Variants in PLCL1 observed in about 807,000 individuals in gnomAD.
PLCL1 encodes phospholipase C like 1 (inactive).
PLCL1 carries 41 observed loss-of-function variants against 84.4 expected under a neutral mutation model. That is an observed-to-expected ratio of 0.49 (90% CI 0.38 to 0.63). The LOEUF is 0.63. PLCL1 is among the 30% of genes least tolerant of loss of function. The pLI is 0.00. For synonymous variants in PLCL1, 490 were observed against 488.3 expected, an observed-to-expected ratio of 1.00 and a Z score of -0.05; for missense variants, 1,206 against 1,367.8, an observed-to-expected ratio of 0.88 and a Z score of 1.87.
At chr2:198,054,178 T>C (rs1692009216) in intron 1 of PLCL1, among the ~76,000 whole-genome samples, 1 of 152,228 alleles carries the variant, frequency 6.6e-6, no homozygotes, top group African/African-American at 2.4e-5. Flanking sequence ...TACATAGGTA[T>C]AATAATGTGA....
chr2:197,808,268 A>T (rs1314824230), intron 1 of PLCL1, among the ~76,000 whole-genome samples: 2 of 152,138 alleles, frequency 1.3e-5, no homozygotes, highest in South Asian at 4.1e-4. Context: ...ATCCATTTTA[A>T]TTTCTTCTTG....
At position 197,938,049 on chromosome 2, in the gene PLCL1, G is replaced by T. The variant is rs540556537; in HGVS notation, c.240+132710G>T. On this transcript the variant is annotated intron_variant, in intron 1 of 5. Transcript: ENST00000428675. The stretch of plus-strand genomic sequence containing the variant: ...TGGCACAGACCTTCAACTCTGACAT[G>T]ATCACATCTATGTCTCACAGATATC... 1.6e-4 allele frequency among the ~76,000 whole-genome samples: 24 copies of T among 152,270 alleles called. No individual in the cohort carries two copies. The East Asian group carries it at 4.2e-3, about 27-fold the overall frequency.
intron 1 of PLCL1, among the ~76,000 whole-genome samples, chr2:198,053,085 G>A (rs773961374): frequency 4.6e-5 from 7 of 152,170 alleles, no homozygotes; most frequent in African/African-American, 7.2e-5. Context: ...TAGAACCCTA[G>A]GTTTGGTACT....
intron 1 of PLCL1, among the ~76,000 whole-genome samples, chr2:198,011,673 T>C (rs902088605): frequency 1.3e-5 from 2 of 152,092 alleles, no homozygotes; most frequent in African/African-American, 4.8e-5. Flanking sequence ...TGATCTTCTC[T>C]CTGATTCTGT....
At chr2:198,135,013 C>A (rs1694220965) in intron 5 of PLCL1, among the ~76,000 whole-genome samples, 1 of 152,132 alleles carries the variant, frequency 6.6e-6, no homozygotes, top group Admixed American at 6.5e-5. Flanking sequence ...AACCAAATAC[C>A]AGAATGTATT....
chr2:197,951,443 A>G (rs1163750472), intron 1 of PLCL1, among the ~76,000 whole-genome samples: 1 of 152,044 alleles, frequency 6.6e-6, no homozygotes, highest in African/African-American at 2.4e-5. Flanking sequence ...CTTCCCCTGA[A>G]ATTTTCAAGC....
intron 1 of PLCL1, among the ~76,000 whole-genome samples, chr2:197,930,906 T>G (rs1688917501): frequency 6.6e-6 from 1 of 152,210 alleles, no homozygotes; most frequent in Admixed American, 6.5e-5. Flanking sequence ...TGATCTTGTT[T>G]TCTATAAAGA....
chr2:197,998,001 C>T (rs1172091105), intron 1 of PLCL1, among the ~76,000 whole-genome samples: 2 of 151,950 alleles, frequency 1.3e-5, no homozygotes, highest in African/African-American at 4.8e-5. Flanking sequence ...AAGGAGTTGC[C>T]AAGGGCTCAG....
Position 197,805,464 on chromosome 2 carries a change from G to T in PLCL1, c.240+125G>T, listed in dbSNP as rs962249539. 1 of 902,900 alleles carries T rather than the reference G, an allele frequency of 1.1e-6. No homozygotes were observed. The highest frequency in any genetic ancestry group is 1.5e-6 in the Non-Finnish European group (1 of 684,844). 55.9% of individuals were successfully genotyped at this position (902,900 alleles called of 1,614,324 possible). ...ATTGTTTTCTCCCACCTCCTTCAAC[G>T]CCAAACCTTCCTTCCTTATCCGGAG... On this transcript the variant is annotated intron_variant, in intron 1 of 5. Transcript: ENST00000428675. The surrounding 1 kb of genome is among the most constrained non-coding windows in gnomAD (Gnocchi z 4.0).
chr2:198,082,242 A>G (rs958975914), intron 1 of PLCL1, among the ~76,000 whole-genome samples: 1 of 152,156 alleles, frequency 6.6e-6, no homozygotes, highest in Non-Finnish European at 1.5e-5. Context: ...TAAGATTGAG[A>G]GAGGTTAAGT....
chr2:198,066,950 T>A (rs1692335156), intron 1 of PLCL1, among the ~76,000 whole-genome samples: 1 of 152,144 alleles, frequency 6.6e-6, no homozygotes, highest in Non-Finnish European at 1.5e-5. Flanking sequence ...AAATTACATG[T>A]TTGTGTGATT....
At chr2:197,836,301 G>T (rs1691185566) in intron 1 of PLCL1, among the ~76,000 whole-genome samples, 2 of 151,672 alleles carry the variant, frequency 1.3e-5, no homozygotes, top group East Asian at 3.9e-4. Flanking sequence ...CAAAAAATTA[G>T]CCGGGCGTAG....
At chr2:197,991,178 A>G (rs1690339107) in intron 1 of PLCL1, among the ~76,000 whole-genome samples, 3 of 152,072 alleles carry the variant, frequency 2.0e-5, no homozygotes, top group Admixed American at 2.0e-4. Context: ...AAGGAAAGAG[A>G]AACTCACCCT....
intron 1 of PLCL1, among the ~76,000 whole-genome samples, chr2:198,052,860 T>TC (rs1462250020): frequency 1.3e-5 from 2 of 151,976 alleles, no homozygotes; most frequent in Admixed American, 1.3e-4. Flanking sequence ...ATGAGGTACC[T>TC]CCCCCTTCAT....
chr2:198,038,891 C>T (rs1362432734), intron 1 of PLCL1, among the ~76,000 whole-genome samples: 2 of 150,280 alleles, frequency 1.3e-5, no homozygotes, highest in South Asian at 2.1e-4. Context: ...TTTTTTATCT[C>T]GTGTTTTTTC....
Position 197,811,617 on chromosome 2 carries a change from G to A in PLCL1, c.240+6278G>A, listed in dbSNP as rs186109525. 8.5e-5 allele frequency among the ~76,000 whole-genome samples: 13 copies of A among 152,210 alleles called. No homozygotes were observed. In the East Asian group the frequency reaches 9.6e-4, roughly 11 times the overall value. ...AACATAAACTATTTTAGTGTGTCTC[G>A]TTTCCATATATTTCTTAATTTGTAT... On this transcript the variant is annotated intron_variant, in intron 1 of 5. Coordinates refer to ENST00000428675, the MANE Select transcript of PLCL1 (RefSeq NM_006226.4).
chr2:198,063,030 G>T (rs899055306), intron 1 of PLCL1, among the ~76,000 whole-genome samples: 1 of 152,178 alleles, frequency 6.6e-6, no homozygotes, highest in African/African-American at 2.4e-5. Flanking sequence ...AGATCACACT[G>T]TGGGGACCAC....
chr2:198,116,764 A>T (rs78005493), intron 5 of PLCL1, among the ~76,000 whole-genome samples: 1,945 of 152,032 alleles, frequency 0.013, 39 homozygotes, highest in African/African-American at 0.043. Context: ...AGGGTTTCAG[A>T]GACAAAGAAG....
Position 197,897,098 on chromosome 2 carries a change from CCTTCTTCTTCTTCTTCTTCTTCTTCTT to C in PLCL1, c.240+91825_240+91851del, listed in dbSNP as rs1156287674. Among the ~76,000 whole-genome samples the C allele has an allele frequency of 1.0e-3, 123 of 117,872 alleles. 2 individuals are homozygous for C. The highest frequency in any genetic ancestry group is 1.3e-3 in the Non-Finnish European group (70 of 54,454). The allele number at this position is 117,872 out of a possible 152,430, so 77.3% of individuals were successfully genotyped here. A position where few individuals can be genotyped will look rare whatever the true frequency, so the allele number is the denominator to read the frequency against. ...TACCTTTGGGGATAGAAGTATGACT[CCTTCTTCTTCTTCTTCTTCTTCTTCTT>C]CTTCTTCTTCTTCTTCTTCTTCTTC... On this transcript the variant is annotated intron_variant, in intron 1 of 5. Coordinates refer to ENST00000428675, the MANE Select transcript of PLCL1 (RefSeq NM_006226.4).
Sources: allele counts gnomAD v4.1 joint callset (sites outside exome capture counted in the v4.1 genomes callset), GRCh38; gene constraint gnomAD v4.1.1; non-coding constraint Gnocchi (gnomAD v3.1); transcripts MANE v1.5; gene names NCBI Gene and HGNC (gene_info 2026-07-23, HGNC 2026-07-21).